Variants in CCDC178 observed in about 807,000 individuals in gnomAD.
CCDC178 encodes coiled-coil domain containing 178.
A neutral mutation model predicts 117.4 loss-of-function variants in CCDC178; 126 were observed. The observed-to-expected ratio is 1.07, with a 90% confidence interval of 0.93 to 1.24. CCDC178 has a LOEUF of 1.24. Ranked by LOEUF, CCDC178 falls within the 50% of genes most tolerant of loss-of-function variation. The pLI, the probability that CCDC178 is intolerant of heterozygous loss-of-function variation, is 0.00. For missense variants in CCDC178, 1,030 were observed against 986.9 expected (o/e 1.04, Z -0.59); for synonymous variants, 283 against 313.4 (o/e 0.90, Z 1.02).
At chr18:33,203,746 T>A in intron 20 of CCDC178, among the ~76,000 whole-genome samples, 1 of 152,188 alleles carries the variant, frequency 6.6e-6, no homozygotes, top group Admixed American at 6.5e-5. Context: ...GGGTTCACAT[T>A]ATCTCTCTAG....
intron 12 of CCDC178, among the ~76,000 whole-genome samples, chr18:33,282,656 C>T (rs550003763): frequency 6.6e-6 from 1 of 152,296 alleles, no homozygotes; most frequent in East Asian, 1.9e-4. Flanking sequence ...CTTCAGCTTT[C>T]CCTGGGCTCA....
At chr18:32,942,420 A>G (rs2054259661) in intron 22 of CCDC178, among the ~76,000 whole-genome samples, 1 of 152,126 alleles carries the variant, frequency 6.6e-6, no homozygotes, top group Admixed American at 6.6e-5. Context: ...TTATACTGCA[A>G]TTAAGGCAGA....
At chr18:33,146,812 A>G (rs1176679326) in intron 20 of CCDC178, among the ~76,000 whole-genome samples, 2 of 152,260 alleles carry the variant, frequency 1.3e-5, no homozygotes, top group Non-Finnish European at 2.9e-5. Context: ...AGAATAGATC[A>G]TACTGATGTC....
intron 12 of CCDC178, among the ~76,000 whole-genome samples, chr18:33,281,117 A>AAT: frequency 8.0e-6 from 1 of 124,988 alleles, no homozygotes; most frequent in East Asian, 2.4e-4. Context: ...ATAATAATAA[A>AAT]GAAACACACA....
intron 2 of CCDC178, among the ~76,000 whole-genome samples, chr18:33,432,552 A>G (rs1468749169): frequency 6.6e-6 from 1 of 150,736 alleles, no homozygotes; most frequent in Non-Finnish European, 1.5e-5. Flanking sequence ...ACATACCAAT[A>G]CCCCGTGATG....
chr18:33,321,615 G>C (rs1177868777), intron 11 of CCDC178, among the ~76,000 whole-genome samples: 1 of 151,886 alleles, frequency 6.6e-6, no homozygotes, highest in Non-Finnish European at 1.5e-5. Flanking sequence ...GATATTTTTA[G>C]AGTCTGACAA....
intron 9 of CCDC178, among the ~76,000 whole-genome samples, chr18:33,335,535 A>T (rs1371825892): frequency 6.6e-6 from 1 of 151,898 alleles, no homozygotes; most frequent in Non-Finnish European, 1.5e-5. Flanking sequence ...TAAATATTTT[A>T]TTTATATTTT....
chr18:33,259,485 T>C (rs1301119304), intron 14 of CCDC178, among the ~76,000 whole-genome samples: 2 of 152,048 alleles, frequency 1.3e-5, no homozygotes, highest in Non-Finnish European at 2.9e-5. Context: ...AAACTTACAA[T>C]CATAGCGGAA....
chr18:33,394,408 C>T (rs1233671155), intron 4 of CCDC178, among the ~76,000 whole-genome samples: 2 of 151,982 alleles, frequency 1.3e-5, no homozygotes, highest in African/African-American at 4.8e-5. Context: ...AGTGATAGAA[C>T]TAAGATTTAA....
At chr18:33,383,455 T>C (rs747331220) in intron 5 of CCDC178, among the ~76,000 whole-genome samples, 51 of 151,642 alleles carry the variant, frequency 3.4e-4, no homozygotes, top group Non-Finnish European at 6.5e-4. Flanking sequence ...AGACACCTCA[T>C]ACAGGAGAGT....
intron 7 of CCDC178, among the ~76,000 whole-genome samples, chr18:33,356,094 T>A (rs1448163814): frequency 6.6e-6 from 1 of 152,196 alleles, no homozygotes; most frequent in Non-Finnish European, 1.5e-5. Context: ...CTGATGTTTT[T>A]GCAAATTTTA....
chr18:33,200,464 C>T (rs2058979236), intron 20 of CCDC178, among the ~76,000 whole-genome samples: 1 of 152,174 alleles, frequency 6.6e-6, no homozygotes, highest in Non-Finnish European at 1.5e-5. Flanking sequence ...TTATTCATAA[C>T]CTAGCACACA....
intron 6 of CCDC178, among the ~76,000 whole-genome samples, chr18:33,358,045 A>G (rs2063080018): frequency 6.6e-6 from 1 of 151,978 alleles, no homozygotes; most frequent in Non-Finnish European, 1.5e-5. Flanking sequence ...CCCCTGGCCT[A>G]CAAACCTGCA....
At chr18:33,041,521 C>G (rs889060012) in intron 21 of CCDC178, among the ~76,000 whole-genome samples, 2 of 150,552 alleles carry the variant, frequency 1.3e-5, no homozygotes, top group Non-Finnish European at 3.0e-5. Context: ...CAAAAAAGAA[C>G]CAAAGTTACT....
At chr18:33,029,957 A>G (rs1323817396) in intron 21 of CCDC178, among the ~76,000 whole-genome samples, 2 of 151,920 alleles carry the variant, frequency 1.3e-5, no homozygotes, top group African/African-American at 4.8e-5. Flanking sequence ...CTGGGTTTGG[A>G]TGGAGTATTC....
chr18:32,982,473 C>G (rs2055173436), intron 21 of CCDC178, among the ~76,000 whole-genome samples: 1 of 152,120 alleles, frequency 6.6e-6, no homozygotes, highest in Admixed American at 6.5e-5. Context: ...GAACAGCACT[C>G]ACAGTTCTTT....
chr18:32,983,474 T>G, intron 21 of CCDC178: 2 of 576,910 alleles, frequency 3.5e-6, no homozygotes, highest in South Asian at 5.1e-5. Flanking sequence ...TTTATTCACA[T>G]TTGACAAAGA....
At chr18:32,988,079 AAATAATAAT>A (rs145642185) in intron 21 of CCDC178, among the ~76,000 whole-genome samples, 26,743 of 140,966 alleles carry the variant, frequency 0.19, 2,786 homozygotes, top group East Asian at 0.38. Flanking sequence ...ATCCGTCTCA[AAATAATAAT>A]AATAATAATA....
intron 20 of CCDC178, among the ~76,000 whole-genome samples, chr18:33,207,441 A>T (rs2059057147): frequency 6.6e-6 from 1 of 151,732 alleles, no homozygotes; most frequent in Non-Finnish European, 1.5e-5. Flanking sequence ...AAAAATCTAC[A>T]TATTTTTGCT....
Sources: allele counts gnomAD v4.1 joint callset (sites outside exome capture counted in the v4.1 genomes callset), GRCh38; gene constraint gnomAD v4.1.1; transcripts MANE v1.5; gene names NCBI Gene and HGNC (gene_info 2026-07-23, HGNC 2026-07-21).